PDZD2: variants seen among roughly 807,000 people sequenced by gnomAD.
PDZD2 encodes PDZ domain-containing protein 2.
PDZD2 carries 90 observed loss-of-function variants against 220.7 expected under a neutral mutation model. The observed-to-expected ratio is 0.41, with a 90% CI of 0.34 to 0.49. The LOEUF (loss-of-function observed/expected upper bound fraction) is 0.49, where lower values mean the gene tolerates loss of function less well. PDZD2 is among the 20% of genes least tolerant of loss of function. PDZD2 has a pLI of 0.28. For synonymous variants in PDZD2, 1,375 were observed against 1,450.5 expected (o/e 0.95, Z 1.18); for missense variants, 3,174 against 3,608.5 (o/e 0.88, Z 3.08).
At chr5:31,868,469 G>A (rs574827546) in intron 2 of PDZD2, among the ~76,000 whole-genome samples, 20 of 152,138 alleles carry the variant, frequency 1.3e-4, no homozygotes, top group African/African-American at 4.8e-4. Flanking sequence ...AAATGCAGCT[G>A]TCCCGCGTGA....
intron 2 of PDZD2, among the ~76,000 whole-genome samples, chr5:31,814,292 T>C (rs1426755175): frequency 6.6e-6 from 1 of 152,194 alleles, no homozygotes; most frequent in Non-Finnish European, 1.5e-5. Flanking sequence ...AGTCAAACTT[T>C]GTAAAATATT....
intron 1 of PDZD2, among the ~76,000 whole-genome samples, chr5:31,669,015 G>T (rs1418507417): frequency 6.6e-6 from 1 of 152,110 alleles, no homozygotes; most frequent in Non-Finnish European, 1.5e-5. Flanking sequence ...CTCTGCGATG[G>T]GTGACTTTGC....
At chr5:31,878,826 G>T (rs1739585573) in intron 2 of PDZD2, among the ~76,000 whole-genome samples, 1 of 151,658 alleles carries the variant, frequency 6.6e-6, no homozygotes, top group Non-Finnish European at 1.5e-5. Flanking sequence ...CTCCCAAAGT[G>T]CTGGGATTAC....
At chr5:31,847,707 A>G in intron 2 of PDZD2, 2 of 601,944 alleles carry the variant, frequency 3.3e-6, no homozygotes, top group Non-Finnish European at 6.4e-6. Context: ...ATTTGGATGC[A>G]GGCCTTGCCA....
Position 31,639,509 on chromosome 5 carries a change from C to G in PDZD2, c.-361+72C>G, listed in dbSNP as rs1436966079. 6.6e-6 allele frequency: 1 copy of G among 151,930 alleles called. No individual in the cohort carries two copies. The highest frequency in any genetic ancestry group is 2.4e-5 in the African/African-American group (1 of 41,418). The allele number at this position is 151,930 out of a possible 1,614,324, so 9.4% of individuals were successfully genotyped here. A position where few individuals can be genotyped will look rare whatever the true frequency, so the allele number is the denominator to read the frequency against. On this transcript the variant is annotated intron_variant, in intron 1 of 24. Transcript: ENST00000438447. This position sits in a 1 kb window ranked among gnomAD's most constrained non-coding sequence, Gnocchi z 4.1. ...GCAGGGGATGGGGGAGGCCCGGCAC[C>G]CCCGAGACCGTGTGTGCCCAGGAAA...
rs1045211804 is a variant in PDZD2, at chr5:32,090,248, G to A, written c.6800G>A (p.Gly2267Asp). Reference sequence around the variant, plus strand: ...CCCGAGGCAAAGGCATCCAGAGGTGGTCTTCCCAGCCTGGCTAATGGACAG... The same window carrying A: ...CCCGAGGCAAAGGCATCCAGAGGTGATCTTCCCAGCCTGGCTAATGGACAG... ...VVPEAKASRG[G>D]LPSLANGQGI... The change falls in exon 20 of 25, where the codon GGT becomes GAT. Residue 2267 changes from glycine to aspartate, a missense_variant. By Grantham distance (94) the Gly-to-Asp change is moderately conservative. Coordinates refer to ENST00000438447, the MANE Select transcript of PDZD2 (RefSeq NM_178140.4). The surrounding 1 kb of genome is among the most constrained non-coding windows in gnomAD (Gnocchi z 4.3). 4 of 1,614,076 alleles carry A rather than the reference G, an allele frequency of 2.5e-6. No homozygotes were observed. Among genetic ancestry groups the A allele is most frequent in the Non-Finnish European group, 2.5e-6 (3 of 1,180,036 alleles).
chr5:32,066,238 G>C (rs563674840), intron 14 of PDZD2, among the ~76,000 whole-genome samples: 5 of 151,494 alleles, frequency 3.3e-5, no homozygotes, highest in African/African-American at 1.2e-4. Context: ...CCAGCTACTC[G>C]GGAGGCTGAG....
At chr5:31,657,034 G>A (rs1385640722) in intron 1 of PDZD2, among the ~76,000 whole-genome samples, 1 of 152,198 alleles carries the variant, frequency 6.6e-6, no homozygotes, top group African/African-American at 2.4e-5. Context: ...GCTCGGGGGT[G>A]GAGGGAGTGA....
At chr5:31,841,547 C>T (rs1388858127) in intron 2 of PDZD2, among the ~76,000 whole-genome samples, 1 of 152,164 alleles carries the variant, frequency 6.6e-6, no homozygotes, top group East Asian at 1.9e-4. Context: ...GTGGCGGGCG[C>T]CTGTAGTCCC....
At chr5:31,828,609 C>T (rs1022667612) in intron 2 of PDZD2, among the ~76,000 whole-genome samples, 1 of 152,176 alleles carries the variant, frequency 6.6e-6, no homozygotes, top group Non-Finnish European at 1.5e-5. Flanking sequence ...AATCCTCCCA[C>T]CTTATTCTCC....
At chr5:31,700,834 G>C (rs1178602579) in intron 1 of PDZD2, among the ~76,000 whole-genome samples, 6 of 152,218 alleles carry the variant, frequency 3.9e-5, no homozygotes, top group African/African-American at 1.4e-4. Flanking sequence ...TCAGACCTGG[G>C]TAGACCAGGA....
chr5:31,858,072 C>T (rs1420428603), intron 2 of PDZD2, among the ~76,000 whole-genome samples: 5 of 152,216 alleles, frequency 3.3e-5, no homozygotes, highest in South Asian at 2.1e-4. Flanking sequence ...GTGATCTGCC[C>T]GTCTTGGCCT....
chr5:32,013,887 G>A (rs556517005), intron 6 of PDZD2, among the ~76,000 whole-genome samples: 9 of 152,116 alleles, frequency 5.9e-5, no homozygotes, highest in Non-Finnish European at 1.2e-4. Flanking sequence ...TCATTTCTCA[G>A]CCCTCTCTTG....
chr5:32,063,027 A>ATAT (rs147802513), intron 14 of PDZD2, among the ~76,000 whole-genome samples: 40,463 of 142,166 alleles, frequency 0.28, 6,054 homozygotes, highest in Non-Finnish European at 0.34. Context: ...TGAGAATGAA[A>ATAT]TATTATTATT....
chr5:32,092,870 T>C, intron 20 of PDZD2, 37 bp from the exon 21 acceptor site: 1 of 1,069,924 alleles, frequency 9.3e-7, no homozygotes, highest in East Asian at 2.6e-5. Context: ...AATTGCTTTT[T>C]TCTTTAATGT....
At chr5:31,665,945 G>C (rs1246533377) in intron 1 of PDZD2, among the ~76,000 whole-genome samples, 1 of 152,168 alleles carries the variant, frequency 6.6e-6, no homozygotes, top group Non-Finnish European at 1.5e-5. Flanking sequence ...GTGAGGACGG[G>C]ACCTCATTCA....
chr5:31,907,744 C>T (rs6871575), intron 2 of PDZD2, among the ~76,000 whole-genome samples: 9,023 of 152,100 alleles, frequency 0.059, 890 homozygotes, highest in African/African-American at 0.2. Flanking sequence ...CTCCCAGTTA[C>T]GTGAAGGCAT....
intron 2 of PDZD2, among the ~76,000 whole-genome samples, chr5:31,811,851 G>C (rs534644226): frequency 6.6e-6 from 1 of 151,942 alleles, no homozygotes; most frequent in African/African-American, 2.4e-5. Flanking sequence ...TTAGCCAGGC[G>C]TGGTGGTGCG....
intron 2 of PDZD2, among the ~76,000 whole-genome samples, chr5:31,913,834 T>C (rs1743418572): frequency 6.6e-6 from 1 of 152,214 alleles, no homozygotes; most frequent in Non-Finnish European, 1.5e-5. Flanking sequence ...TCTTGAAGTC[T>C]TGATTTTGCC....
Sources: allele counts gnomAD v4.1 joint callset (sites outside exome capture counted in the v4.1 genomes callset), GRCh38; gene constraint gnomAD v4.1.1; non-coding constraint Gnocchi (gnomAD v3.1); transcripts MANE v1.5; gene names NCBI Gene and HGNC (gene_info 2026-07-23, HGNC 2026-07-21).